CCDC60: variants seen among roughly 807,000 people sequenced by gnomAD.
CCDC60 encodes the protein coiled-coil domain-containing protein 60.
In CCDC60, 54 loss-of-function variants were observed where a neutral mutation model predicts 63.5. The ratio of observed to expected loss-of-function variants is 0.85; its 90% CI spans 0.68 to 1.07. The LOEUF (loss-of-function observed/expected upper bound fraction) is 1.07, where lower values mean the gene tolerates loss of function less well. Ranked by LOEUF, CCDC60 falls within the 50% of genes least tolerant of loss-of-function variation. CCDC60 has a pLI of 0.00. For synonymous variants in CCDC60, 206 were observed against 238.8 expected (o/e 0.86, Z 1.27); for missense variants, 651 against 684.3 (o/e 0.95, Z 0.54).
chr12:119,377,118 G>A (rs1955958847), intron 1 of CCDC60, among the ~76,000 whole-genome samples: 1 of 151,902 alleles, frequency 6.6e-6, no homozygotes, highest in Admixed American at 6.6e-5. Flanking sequence ...AGCTGGGTGT[G>A]GTGGCACGTG....
chr12:119,343,063 G>A (rs539238671), intron 1 of CCDC60, among the ~76,000 whole-genome samples: 2 of 152,266 alleles, frequency 1.3e-5, no homozygotes, highest in East Asian at 3.9e-4. Flanking sequence ...ACCTTTCTTG[G>A]ACTGAATAAA....
intron 2 of CCDC60, among the ~76,000 whole-genome samples, chr12:119,471,004 A>G (rs1951045571): frequency 6.6e-6 from 1 of 152,218 alleles, no homozygotes; most frequent in South Asian, 2.1e-4. Flanking sequence ...GAACAAATAA[A>G]ACTGAATTTG....
rs75777395 is a variant in CCDC60, at chr12:119,447,173, C to T, written c.170+18411C>T. ...CCCTCTGAATATATCGCAGTGAGGA[C>T]GAGTGTCAGGTAACCACCCCATGTC... On this transcript the variant is annotated intron_variant, in intron 2 of 13. Coordinates refer to ENST00000327554, the MANE Select transcript of CCDC60 (RefSeq NM_178499.5). 3.4e-4 allele frequency among the ~76,000 whole-genome samples: 52 copies of T among 152,254 alleles called. 1 individual carries two copies. The East Asian group carries it at 9.1e-3, about 27-fold the overall frequency.
At chr12:119,362,981 C>T (rs1313035395) in intron 1 of CCDC60, among the ~76,000 whole-genome samples, 5 of 152,134 alleles carry the variant, frequency 3.3e-5, no homozygotes, top group Admixed American at 6.5e-5. Context: ...GCCTGTAATC[C>T]CAGCTACTCG....
At chr12:119,499,078 C>T (rs1429088115) in intron 5 of CCDC60, among the ~76,000 whole-genome samples, 2 of 152,194 alleles carry the variant, frequency 1.3e-5, no homozygotes, top group Admixed American at 6.5e-5. Flanking sequence ...TATTTGGTTA[C>T]AGGATGCTGT....
intron 1 of CCDC60, among the ~76,000 whole-genome samples, chr12:119,417,080 A>T (rs1317841316): frequency 6.6e-6 from 1 of 152,216 alleles, no homozygotes; most frequent in African/African-American, 2.4e-5. Flanking sequence ...AGATCGCGCC[A>T]TTGCACTCCA....
chr12:119,450,812 C>G (rs1322037008), intron 2 of CCDC60, among the ~76,000 whole-genome samples: 1 of 151,018 alleles, frequency 6.6e-6, no homozygotes, highest in East Asian at 2.0e-4. Context: ...GAGCTGAGTT[C>G]ACGCGACTGC....
At chr12:119,367,227 A>G (rs927609617) in intron 1 of CCDC60, among the ~76,000 whole-genome samples, 9 of 152,226 alleles carry the variant, frequency 5.9e-5, no homozygotes, top group East Asian at 1.9e-4. Context: ...AAAAGTAGGT[A>G]TGATTATTTC....
intron 1 of CCDC60, among the ~76,000 whole-genome samples, chr12:119,353,598 C>CTTTTTTTTTTTTTTT (rs71072514): frequency 8.8e-5 from 6 of 68,204 alleles, no homozygotes; most frequent in Non-Finnish European, 1.1e-4. Context: ...TCTTCTTCTT[C>CTTTTTTTTTTTTTTT]TTTTTTTTTT....
intron 1 of CCDC60, among the ~76,000 whole-genome samples, chr12:119,428,173 G>A (rs1956933069): frequency 6.6e-6 from 1 of 152,044 alleles, no homozygotes; most frequent in African/African-American, 2.4e-5. Flanking sequence ...GGAAGAGAGG[G>A]GAAGTACATT....
chr12:119,421,064 C>T (rs969745139), intron 1 of CCDC60, among the ~76,000 whole-genome samples: 1 of 152,024 alleles, frequency 6.6e-6, no homozygotes, highest in Non-Finnish European at 1.5e-5. Context: ...CTCGACGGAG[C>T]ATCCCAGCTG....
At chr12:119,358,933 G>C (rs1274076435) in intron 1 of CCDC60, among the ~76,000 whole-genome samples, 1 of 152,178 alleles carries the variant, frequency 6.6e-6, no homozygotes, top group Non-Finnish European at 1.5e-5. Context: ...ATGCCTTTTG[G>C]TGAATAAATG....
chr12:119,389,791 CA>C, intron 1 of CCDC60, among the ~76,000 whole-genome samples: 1 of 150,534 alleles, frequency 6.6e-6, no homozygotes, highest in African/African-American at 2.5e-5. Context: ...CAGGCATGCA[CA>C]CACACACACA....
Position 119,540,744 on chromosome 12 carries a change from G to C in CCDC60, c.*29G>C. ...GGGCCTGGGTTGACCAGCTGTCTCA[G>C]TGGAGGAGTGTTTGCCTATATCATG... On this transcript the variant is annotated 3_prime_UTR_variant, in exon 14 of 14. Coordinates refer to ENST00000327554, the MANE Select transcript of CCDC60 (RefSeq NM_178499.5). 1 of 1,472,792 alleles carries C rather than the reference G, an allele frequency of 6.8e-7. No individual in the cohort carries two copies. The highest frequency in any genetic ancestry group is 9.5e-7 in the Non-Finnish European group (1 of 1,054,490). The allele number at this position is 1,472,792 out of a possible 1,614,324, so 91.2% of individuals were successfully genotyped here.
At chr12:119,449,104 G>A (rs1458163981) in intron 2 of CCDC60, among the ~76,000 whole-genome samples, 1 of 152,188 alleles carries the variant, frequency 6.6e-6, no homozygotes, top group African/African-American at 2.4e-5. Flanking sequence ...TGTGTGGCCT[G>A]AGGGTCTATG....
intron 3 of CCDC60, among the ~76,000 whole-genome samples, chr12:119,474,137 C>T (rs979993252): frequency 2.0e-5 from 3 of 152,112 alleles, no homozygotes; most frequent in Non-Finnish European, 2.9e-5. Flanking sequence ...AAAACCACAA[C>T]GCAATACCAC....
At chr12:119,338,857 TAATG>T (rs776231386) in intron 1 of CCDC60, among the ~76,000 whole-genome samples, 1 of 152,148 alleles carries the variant, frequency 6.6e-6, no homozygotes, top group Non-Finnish European at 1.5e-5. Flanking sequence ...CATACTAGTA[TAATG>T]AATGACTGTT....
At chr12:119,529,636 A>G (rs1304568685) in intron 12 of CCDC60, among the ~76,000 whole-genome samples, 1 of 152,142 alleles carries the variant, frequency 6.6e-6, no homozygotes, top group African/African-American at 2.4e-5. Context: ...TGGAACTTCT[A>G]CACATCCTCA....
intron 5 of CCDC60, among the ~76,000 whole-genome samples, chr12:119,499,399 C>G (rs952430039): frequency 3.9e-5 from 6 of 152,196 alleles, no homozygotes; most frequent in Non-Finnish European, 8.8e-5. Context: ...GGGACCCACA[C>G]TAGTGAGGAG....
Sources: allele counts gnomAD v4.1 joint callset (sites outside exome capture counted in the v4.1 genomes callset), GRCh38; gene constraint gnomAD v4.1.1; transcripts MANE v1.5; gene names NCBI Gene and HGNC (gene_info 2026-07-23, HGNC 2026-07-21).